The following DDX1 variants were observed in gnomAD, a reference collection of about 807,000 sequenced individuals.
DDX1 encodes the protein DEAD-box helicase 1, also known as ATP-dependent RNA helicase DDX1.
A neutral mutation model predicts 108.7 loss-of-function variants in DDX1; 28 were observed. The ratio of observed to expected loss-of-function variants is 0.26; its 90% CI spans 0.19 to 0.35. DDX1 has a LOEUF of 0.35. Ranked by LOEUF, DDX1 falls within the 10% of genes least tolerant of loss-of-function variation. The pLI is 1.00. For synonymous variants in DDX1, 295 were observed against 288.9 expected (o/e 1.02, Z -0.21); for missense variants, 710 against 884.5 (o/e 0.80, Z 2.50).
At chr2:15,620,770 C>T (rs2148747696) in intron 17 of DDX1, among the ~76,000 whole-genome samples, 1 of 152,160 alleles carries the variant, frequency 6.6e-6, no homozygotes, top group Non-Finnish European at 1.5e-5. Context: ...TCACTTTCTT[C>T]ACTGTGATTA....
chr2:15,614,553 C>T (rs1022664921), intron 14 of DDX1, among the ~76,000 whole-genome samples: 2 of 152,204 alleles, frequency 1.3e-5, no homozygotes, highest in African/African-American at 2.4e-5. Flanking sequence ...GATTAGATCG[C>T]GAGGGCTTTG....
At chr2:15,626,566 T>G (rs1352032589) in intron 19 of DDX1, among the ~76,000 whole-genome samples, 1 of 152,172 alleles carries the variant, frequency 6.6e-6, no homozygotes, top group East Asian at 1.9e-4. Context: ...CTTTACAGTT[T>G]GCTGCTTTGA....
chr2:15,609,200 T>G (rs3770462), intron 13 of DDX1, among the ~76,000 whole-genome samples: 18,831 of 152,274 alleles, frequency 0.12, 1,583 homozygotes, highest in East Asian at 0.37. Context: ...AATGCTAGTG[T>G]GAATTGATTT....
intron 19 of DDX1, among the ~76,000 whole-genome samples, chr2:15,625,136 C>T (rs1666079856): frequency 6.6e-6 from 1 of 152,164 alleles, no homozygotes; most frequent in East Asian, 1.9e-4. Flanking sequence ...CAGACTTTTC[C>T]TTGCTGAGTA....
At chr2:15,608,607 C>A (rs1411573421) in intron 13 of DDX1, among the ~76,000 whole-genome samples, 2 of 144,800 alleles carry the variant, frequency 1.4e-5, no homozygotes, top group East Asian at 2.0e-4. Context: ...TCACCACTAT[C>A]AAATTTCAGA....
chr2:15,619,636 G>A (rs544218642), intron 16 of DDX1, among the ~76,000 whole-genome samples: 7 of 152,144 alleles, frequency 4.6e-5, no homozygotes, highest in Non-Finnish European at 5.9e-5. Context: ...TTTGCTTTAC[G>A]TTACTGGACG....
At position 15,606,180 on chromosome 2, in the gene DDX1, G is replaced by A. The variant is rs1665658209; in HGVS notation, c.733G>A (p.Glu245Lys). 2 of 1,613,936 alleles carry A rather than the reference G, an allele frequency of 1.2e-6. No homozygotes were observed. Among genetic ancestry groups the A allele is most frequent in the African/African-American group, 1.3e-5 (1 of 74,932 alleles). The change falls in exon 12 of 26, where the codon GAG becomes AAG. Residue 245 changes from glutamate (E) to lysine (K), a missense_variant. Transcript: ENST00000233084. ...TGAACTGAAATTTAACTTCGGTGAA[G>A]AGGAATTTAAGTTTCCACCAAAAGA... The part of the protein sequence containing the change: ...NAELKFNFGE[E>K]EFKFPPKDGF...
intron 6 of DDX1, among the ~76,000 whole-genome samples, chr2:15,600,910 T>C (rs1440820060): frequency 6.6e-6 from 1 of 151,944 alleles, no homozygotes; most frequent in Non-Finnish European, 1.5e-5. Flanking sequence ...CAACTCTAAA[T>C]TCCACTGATA....
At chr2:15,606,302 G>A (rs1018659970) in intron 12 of DDX1, 38 bp downstream of exon 12, 8 of 1,436,780 alleles carry the variant, frequency 5.6e-6, no homozygotes, top group Non-Finnish European at 6.8e-6. Flanking sequence ...CTAGAATAGT[G>A]AGAATAATTG....
chr2:15,608,206 T>G lies in DDX1; in HGVS notation c.956+893T>G, dbSNP rs192252026. ...TTAATTACTTTTTAAACTTGAAACATTCACACACCATAAAACTCATTATTT... is the reference window on the plus strand; with the variant it reads ...TTAATTACTTTTTAAACTTGAAACAGTCACACACCATAAAACTCATTATTT... On this transcript the variant is annotated intron_variant, in intron 13 of 25. Coordinates refer to ENST00000233084, the MANE Select transcript of DDX1 (RefSeq NM_004939.3). Among the ~76,000 whole-genome samples the G allele has an allele frequency of 1.3e-3, 203 of 152,302 alleles. 1 individual carries two copies. Among genetic ancestry groups the G allele is most frequent in the Non-Finnish European group, 1.9e-3 (128 of 68,024 alleles).
Position 15,606,276 on chromosome 2 carries a change from G to A in DDX1, c.817+12G>A, listed in dbSNP as rs776095439. 3 of 1,570,190 alleles carry A rather than the reference G, an allele frequency of 1.9e-6. No individual in the cohort carries two copies. The highest frequency in any genetic ancestry group is 2.2e-5 in the East Asian group (1 of 44,638). ...ATCACAGCACTCAGGTATTATACCT[G>A]CAAGGGTAAGGATTTCTAGAATAGT... On this transcript the variant is annotated intron_variant, in intron 12 of 25. Transcript: ENST00000233084.
intron 13 of DDX1, among the ~76,000 whole-genome samples, chr2:15,612,335 C>CGGG (rs1665787695): frequency 6.7e-6 from 1 of 150,296 alleles, no homozygotes. Context: ...GACGGGGCGG[C>CGGG]GGGGCAGAGG....
chr2:15,622,711 T>C (rs575007396), intron 18 of DDX1, among the ~76,000 whole-genome samples: 2 of 152,340 alleles, frequency 1.3e-5, no homozygotes, highest in South Asian at 4.1e-4. Flanking sequence ...AAATCTGTCA[T>C]CCCAAATGCA....
chr2:15,610,302 G>A (rs1257739108), intron 13 of DDX1, among the ~76,000 whole-genome samples: 1 of 152,040 alleles, frequency 6.6e-6, no homozygotes, highest in Non-Finnish European at 1.5e-5. Flanking sequence ...TTTCTCTTTT[G>A]TCATGGTGTT....
At chr2:15,618,664 G>A (rs1665940380) in intron 16 of DDX1, among the ~76,000 whole-genome samples, 1 of 152,244 alleles carries the variant, frequency 6.6e-6, no homozygotes, top group Admixed American at 6.5e-5. Flanking sequence ...GGCTTCACCG[G>A]GGACTAGCCC....
At chr2:15,624,892 G>C (rs971861291) in intron 19 of DDX1, among the ~76,000 whole-genome samples, 1 of 152,160 alleles carries the variant, frequency 6.6e-6, no homozygotes, top group Non-Finnish European at 1.5e-5. Flanking sequence ...CTTTAGCAAA[G>C]GGTCTTGCAG....
chr2:15,611,657 C>T (rs1665763248), intron 13 of DDX1, among the ~76,000 whole-genome samples: 1 of 116,422 alleles, frequency 8.6e-6, no homozygotes, highest in Non-Finnish European at 1.7e-5. Flanking sequence ...GCACCCCCCA[C>T]CTCCCGGACG....
intron 20 of DDX1, among the ~76,000 whole-genome samples, chr2:15,627,864 A>G (rs117848529): frequency 1.3e-5 from 2 of 152,282 alleles, no homozygotes; most frequent in East Asian, 1.9e-4. Flanking sequence ...ACCCTTCTCA[A>G]CCGTAGGCAT....
intron 5 of DDX1, among the ~76,000 whole-genome samples, chr2:15,598,836 AAGATGTGTC>A (rs1366158365): frequency 1.3e-5 from 2 of 152,216 alleles, no homozygotes; most frequent in Non-Finnish European, 2.9e-5. Context: ...ACAAACTATC[AAGATGTGTC>A]AGAAAAGGAA....
Sources: allele counts gnomAD v4.1 joint callset (sites outside exome capture counted in the v4.1 genomes callset), GRCh38; gene constraint gnomAD v4.1.1; transcripts MANE v1.5; gene names NCBI Gene and HGNC (gene_info 2026-07-23, HGNC 2026-07-21).